Variants in PPP1R1C observed in about 807,000 individuals in gnomAD.
PPP1R1C encodes the protein protein phosphatase 1 regulatory subunit 1C.
In PPP1R1C, 15 loss-of-function variants were observed where a neutral mutation model predicts 17.4. That is an observed-to-expected ratio of 0.86 (90% CI 0.58 to 1.33). PPP1R1C has a LOEUF of 1.33. PPP1R1C is among the 40% of genes most tolerant of loss of function. The pLI is 0.00. For missense variants in PPP1R1C, 143 were observed against 130.0 expected (o/e 1.10, Z -0.48); for synonymous variants, 35 against 43.1 (o/e 0.81, Z 0.73).
At chr2:182,018,148 A>G (rs1686313406) in intron 2 of PPP1R1C, among the ~76,000 whole-genome samples, 1 of 152,212 alleles carries the variant, frequency 6.6e-6, no homozygotes, top group African/African-American at 2.4e-5. Context: ...TATACTATAA[A>G]GCTCTCAGCT....
chr2:181,982,296 T>C (rs1685207889), upstream of PPP1R1C, among the ~76,000 whole-genome samples: 1 of 152,168 alleles, frequency 6.6e-6, no homozygotes. Flanking sequence ...GCAGTTACTA[T>C]AGCAAGAAAT....
intron 2 of PPP1R1C, among the ~76,000 whole-genome samples, chr2:181,989,683 T>G (rs1478013444): frequency 6.6e-6 from 1 of 152,208 alleles, no homozygotes; most frequent in East Asian, 1.9e-4. Context: ...TCCCAATTAC[T>G]AGATGGCATT....
At chr2:182,032,080 A>T (rs568721392) in intron 2 of PPP1R1C, among the ~76,000 whole-genome samples, 1 of 152,322 alleles carries the variant, frequency 6.6e-6, no homozygotes, top group African/African-American at 2.4e-5. Flanking sequence ...TAAACATTTA[A>T]ATTTGTGGTT....
chr2:181,964,896 GGGCTTCAC>G (rs1311894157), intron 1 of PPP1R1C, among the ~76,000 whole-genome samples: 1 of 152,146 alleles, frequency 6.6e-6, no homozygotes, highest in Non-Finnish European at 1.5e-5. Flanking sequence ...AGTAGAGACA[GGGCTTCAC>G]CATGTTGGTC....
chr2:181,963,614 C>T (rs1684849239), intron 1 of PPP1R1C, among the ~76,000 whole-genome samples: 2 of 152,136 alleles, frequency 1.3e-5, no homozygotes, highest in Admixed American at 1.3e-4. Context: ...CACTGCACTC[C>T]AGTCTGGGCT....
intron 1 of PPP1R1C, among the ~76,000 whole-genome samples, chr2:181,971,668 T>C (rs1685010599): frequency 6.6e-6 from 1 of 152,164 alleles, no homozygotes; most frequent in Non-Finnish European, 1.5e-5. Flanking sequence ...GAGGCATAGA[T>C]TGCCTTTCAG....
At chr2:182,087,569 A>G (rs148727911) in intron 4 of PPP1R1C, among the ~76,000 whole-genome samples, 15 of 152,346 alleles carry the variant, frequency 9.8e-5, no homozygotes, top group African/African-American at 3.4e-4. Context: ...GTGTGTGCAT[A>G]TTCCAGTATA....
At chr2:182,065,296 C>T (rs1350871492) in intron 4 of PPP1R1C, among the ~76,000 whole-genome samples, 2 of 151,838 alleles carry the variant, frequency 1.3e-5, no homozygotes, top group Non-Finnish European at 2.9e-5. Flanking sequence ...TTTGGAAGTC[C>T]CCTGCTTATG....
At chr2:182,032,926 C>T (rs185669870) in intron 2 of PPP1R1C, among the ~76,000 whole-genome samples, 7 of 152,208 alleles carry the variant, frequency 4.6e-5, no homozygotes, top group African/African-American at 1.4e-4. Context: ...ATCTTCTGCC[C>T]TTCAGAGACA....
rs1464762000 is a variant in PPP1R1C, at chr2:181,967,976, A to T, written n.112-7243A>T. 7.9e-5 allele frequency among the ~76,000 whole-genome samples: 12 copies of T among 152,216 alleles called. No individual in the cohort carries two copies. Among genetic ancestry groups the T allele is most frequent in the Non-Finnish European group, 1.3e-4 (9 of 68,034 alleles). On this transcript the variant is annotated intron_variant and non_coding_transcript_variant, in intron 1 of 5. Coordinates refer to the PPP1R1C transcript ENST00000464264. This position sits in a 1 kb window ranked among gnomAD's most constrained non-coding sequence, Gnocchi z 5.5. ...GTGATCCACCCGCCTTGGTCTCCCA[A>T]AGTGCTGGGATTGCAGGCATAAGCC...
intron 2 of PPP1R1C, among the ~76,000 whole-genome samples, chr2:182,060,239 A>C (rs1687810832): frequency 6.6e-6 from 1 of 152,110 alleles, no homozygotes; most frequent in Admixed American, 6.6e-5. Context: ...TAGAATAAAC[A>C]ATGGTTCCAT....
chr2:181,986,235 T>C (rs753821910), intron 1 of PPP1R1C, 44 bp downstream of exon 1: 2 of 1,382,958 alleles, frequency 1.4e-6, no homozygotes, highest in South Asian at 1.2e-5. Flanking sequence ...CATAAGGTAA[T>C]ATGAACATGC....
At chr2:182,099,964 T>C (rs866039610) in intron 4 of PPP1R1C, among the ~76,000 whole-genome samples, 5 of 150,192 alleles carry the variant, frequency 3.3e-5, no homozygotes, top group African/African-American at 9.7e-5. Flanking sequence ...GCCTTGTCCA[T>C]AGGGAGACGA....
At chr2:181,985,014 C>G (rs1238959171), upstream of PPP1R1C, among the ~76,000 whole-genome samples, 1 of 152,142 alleles carries the variant, frequency 6.6e-6, no homozygotes, top group Non-Finnish European at 1.5e-5. The surrounding 1 kb of genome is among the most constrained non-coding windows in gnomAD (Gnocchi z 4.1). Flanking sequence ...CCACTTCATG[C>G]TTTTTTCAAG....
intron 4 of PPP1R1C, among the ~76,000 whole-genome samples, chr2:182,076,192 CTTTTCTTTTT>C (rs1688297219): frequency 7.7e-5 from 2 of 25,836 alleles, no homozygotes; most frequent in East Asian, 1.2e-3. Context: ...TTTTTTTTTT[CTTTTCTTTTT>C]TTTTTTTTTT....
chr2:182,031,130 T>C (rs1208421531), intron 2 of PPP1R1C, among the ~76,000 whole-genome samples: 1 of 152,240 alleles, frequency 6.6e-6, no homozygotes, highest in Non-Finnish European at 1.5e-5. Flanking sequence ...CCTAGTGAGA[T>C]GAACCCGGTA....
intron 2 of PPP1R1C, among the ~76,000 whole-genome samples, chr2:182,009,537 A>T (rs959541625): frequency 4.6e-5 from 7 of 152,068 alleles, no homozygotes; most frequent in African/African-American, 1.4e-4. Context: ...TCCCTTTGTC[A>T]TATGAGTAGT....
At chr2:182,120,613 G>A (rs1307530551), downstream of PPP1R1C, among the ~76,000 whole-genome samples, 1 of 152,072 alleles carries the variant, frequency 6.6e-6, no homozygotes, top group Non-Finnish European at 1.5e-5. Flanking sequence ...TATTTTAAGT[G>A]ATTTTGAATT....
intron 1 of PPP1R1C, among the ~76,000 whole-genome samples, chr2:181,986,412 C>A (rs1044560574): frequency 2.0e-5 from 3 of 152,084 alleles, no homozygotes; most frequent in Non-Finnish European, 4.4e-5. Flanking sequence ...AAAATTAGCA[C>A]CTCTGAGGGG....
Sources: gnomAD v4.1 joint callset for allele counts (sites outside exome capture counted in the v4.1 genomes callset) on GRCh38, gnomAD v4.1.1 for gene constraint, Gnocchi (gnomAD v3.1) non-coding constraint, MANE v1.5 for transcripts, NCBI Gene and HGNC (gene_info 2026-07-23, HGNC 2026-07-21) for gene names.